Variants in PCDHA6 observed in about 807,000 individuals in gnomAD.
PCDHA6 encodes protocadherin alpha-6.
PCDHA6 carries 55 observed loss-of-function variants against 60.3 expected under a neutral mutation model. The observed-to-expected ratio is 0.91, with a 90% CI of 0.73 to 1.14. The LOEUF (loss-of-function observed/expected upper bound fraction) is 1.14, where lower values mean the gene tolerates loss of function less well. Among genes scored for constraint, PCDHA6 ranks in the 50% most tolerant of loss-of-function variants. PCDHA6 has a pLI of 0.00. For missense variants in PCDHA6, 1,327 were observed against 1,256.5 expected (o/e 1.06, Z -0.85); for synonymous variants, 652 against 557.9 (o/e 1.17, Z -2.38).
chr5:140,883,768 C>T, intron 1 of PCDHA6: 1 of 1,612,160 alleles, frequency 6.2e-7, no homozygotes, highest in Non-Finnish European at 8.5e-7. Flanking sequence ...GGCGGGTGGG[C>T]GAGCGTGCGC....
intron 1 of PCDHA6, among the ~76,000 whole-genome samples, chr5:140,942,305 G>A (rs2093264176): frequency 6.6e-6 from 1 of 152,106 alleles, no homozygotes; most frequent in Non-Finnish European, 1.5e-5. Context: ...AGCTACTTGG[G>A]AGGTCGAGGC....
chr5:140,945,678 C>T (rs2093827274), intron 1 of PCDHA6, among the ~76,000 whole-genome samples: 1 of 152,078 alleles, frequency 6.6e-6, no homozygotes, highest in Non-Finnish European at 1.5e-5. Context: ...AATAAATCCA[C>T]ACAGTTACTG....
rs781866730 is a variant in PCDHA6 at position 141,009,887 on chromosome 5, CAG to C, written c.2804_2805del (p.Gln935ArgfsTer11). ...GAAAAAGAAGAAGGGTAACAAGACCCAGGAGAAAAAAGAGAAAGGGAACAGCA... is the reference window on the plus strand; with the variant it reads ...GAAAAAGAAGAAGGGTAACAAGACCCGAGAAAAAAGAGAAAGGGAACAGCA... ...KKKKKKGNKTQEKKEKGNSTT... is the reference protein window; with the variant it reads ...KKKKKKGNKTXEKKEKGNSTT... On this transcript the variant is annotated frameshift_variant, in exon 4 of 4. Transcript: ENST00000529310. LOFTEE classifies it high-confidence loss of function. 1.9e-6 allele frequency: 3 copies of C among 1,612,850 alleles called. No homozygotes were observed. In the South Asian group the frequency reaches 3.3e-5, roughly 18 times the overall value.
chr5:140,967,898 G>A (rs751530394), intron 1 of PCDHA6: 9 of 1,614,046 alleles, frequency 5.6e-6, no homozygotes, highest in Non-Finnish European at 7.6e-6. Context: ...GCCTGAGAAT[G>A]CTACACCCAA....
At chr5:140,875,995 A>AATGAGAATTTTG (rs1554168162) in intron 1 of PCDHA6, 7 of 1,613,958 alleles carry the variant, frequency 4.3e-6, no homozygotes, top group Non-Finnish European at 5.9e-6. Context: ...GTTAAGTCTA[A>AATGAGAATTTTG]ATGAGAATTT....
chr5:140,869,219 C>A (rs543814850), intron 1 of PCDHA6: 1 of 1,613,836 alleles, frequency 6.2e-7, no homozygotes, highest in African/African-American at 1.3e-5. Context: ...TCGGAGGAGG[C>A]CAAACACGGC....
intron 1 of PCDHA6, among the ~76,000 whole-genome samples, chr5:140,872,205 A>AT (rs1554166067): frequency 6.6e-6 from 1 of 151,936 alleles, no homozygotes; most frequent in Non-Finnish European, 1.5e-5. Context: ...TCATAAATTC[A>AT]TTATATATGA....
chr5:141,001,987 A>C (rs547998020), intron 3 of PCDHA6, among the ~76,000 whole-genome samples: 3 of 152,302 alleles, frequency 2.0e-5, no homozygotes, highest in African/African-American at 7.2e-5. Context: ...AAAGCCTGGA[A>C]GTTCACTTGC....
chr5:141,007,517 G>A (rs2098333696), intron 3 of PCDHA6, among the ~76,000 whole-genome samples: 1 of 151,984 alleles, frequency 6.6e-6, no homozygotes, highest in African/African-American at 2.4e-5. Flanking sequence ...GCAGTGAGCT[G>A]ATATCTCGCC....
At chr5:141,003,689 A>G (rs2098134450) in intron 3 of PCDHA6, among the ~76,000 whole-genome samples, 3 of 152,228 alleles carry the variant, frequency 2.0e-5, no homozygotes, top group African/African-American at 7.2e-5. Flanking sequence ...ATTTTAAAAT[A>G]TATCCCTACC....
intron 1 of PCDHA6, among the ~76,000 whole-genome samples, chr5:140,919,151 G>A (rs1246862771): frequency 2.6e-5 from 4 of 152,122 alleles, no homozygotes; most frequent in African/African-American, 9.7e-5. Flanking sequence ...ATTATTAGAT[G>A]CAAGTATGTT....
At chr5:140,841,320 A>C (rs2150313499) in intron 1 of PCDHA6, 1 of 1,602,072 alleles carries the variant, frequency 6.2e-7, no homozygotes, top group Non-Finnish European at 8.5e-7. Flanking sequence ...CGACTATTTA[A>C]CATGGATTAT....
At chr5:140,969,982 G>T (rs1327490843) in intron 1 of PCDHA6, among the ~76,000 whole-genome samples, 1 of 152,184 alleles carries the variant, frequency 6.6e-6, no homozygotes, top group Non-Finnish European at 1.5e-5. Flanking sequence ...CAACTCTTCT[G>T]TAGAGGGCTG....
intron 1 of PCDHA6, among the ~76,000 whole-genome samples, chr5:140,902,424 G>A (rs1422453587): frequency 6.6e-6 from 1 of 152,038 alleles, no homozygotes; most frequent in African/African-American, 2.4e-5. Flanking sequence ...AGTGGTGAAA[G>A]TGGGCATCCT....
At chr5:140,926,517 C>G (rs1428470636) in intron 1 of PCDHA6, 1 of 201,972 alleles carries the variant, frequency 5.0e-6, no homozygotes. Flanking sequence ...CCAGGCTCCG[C>G]CCTGCGCCCG....
Position 140,856,863 on chromosome 5 carries a change from T to C in PCDHA6, c.2394+26378T>C. 4 of 1,595,256 alleles carry C rather than the reference T, an allele frequency of 2.5e-6. 1 individual carries two copies. Among genetic ancestry groups the C allele is most frequent in the Non-Finnish European group, 3.4e-6 (4 of 1,165,176 alleles). ...AACGCTTCTGATTCGGATGAAGGAA[T>C]AAACAAGGAAATGATGTATTCATTT... On this transcript the variant is annotated intron_variant, in intron 1 of 3. Transcript: ENST00000529310.
At chr5:140,884,357 A>G (rs1562803365) in intron 1 of PCDHA6, 1 of 1,613,864 alleles carries the variant, frequency 6.2e-7, no homozygotes, top group Non-Finnish European at 8.5e-7. Flanking sequence ...GGTGGATGTC[A>G]ATGTTTACTT....
At chr5:140,876,759 TG>T (rs2056563971) in intron 1 of PCDHA6, 10 of 1,614,028 alleles carry the variant, frequency 6.2e-6, no homozygotes, top group African/African-American at 2.7e-5. Context: ...CTGCGCGGGA[TG>T]GGGGCTCGCC....
intron 1 of PCDHA6, among the ~76,000 whole-genome samples, chr5:140,837,794 A>C (rs1554136640): frequency 1.3e-5 from 2 of 151,558 alleles, no homozygotes; most frequent in African/African-American, 4.9e-5. Flanking sequence ...CTCCCATCTC[A>C]GCCTCTGGAG....
Sources: allele counts gnomAD v4.1 joint callset (sites outside exome capture counted in the v4.1 genomes callset), GRCh38; gene constraint gnomAD v4.1.1; transcripts MANE v1.5; gene names NCBI Gene and HGNC (gene_info 2026-07-23, HGNC 2026-07-21).